Variants in RAB26 observed in about 807,000 individuals in gnomAD.
RAB26 encodes the protein ras-related protein Rab-26.
In RAB26, 39 loss-of-function variants were observed where a neutral mutation model predicts 33.1. That is an observed-to-expected ratio of 1.18 (90% confidence interval 0.91 to 1.54). The LOEUF is 1.54. Ranked by LOEUF, RAB26 falls within the 40% of genes most tolerant of loss-of-function variation. RAB26 has a pLI of 0.00. For missense variants in RAB26, 468 were observed against 362.9 expected, an observed-to-expected ratio of 1.29 and a Z score of -2.35; for synonymous variants, 192 against 151.9, an observed-to-expected ratio of 1.26 and a Z score of -1.94.
chr16:2,153,122 C>T (rs1171647214), intron 7 of RAB26, 24 bp from the exon 8 acceptor site: 1 of 1,613,646 alleles, frequency 6.2e-7, no homozygotes, highest in Non-Finnish European at 8.5e-7. Context: ...AGGCCACCAC[C>T]TGGCTGGCAG....
At chr16:2,152,701 A>AAAG (rs1328413633) in intron 5 of RAB26, 119 bp from the exon 6 acceptor site, 7 of 749,224 alleles carry the variant, frequency 9.3e-6, no homozygotes, top group Non-Finnish European at 1.0e-5. Flanking sequence ...CTCAAAAAAA[A>AAAG]AAAAAAAAAA....
At chr16:2,150,409 C>T (rs1362757852) in intron 2 of RAB26, among the ~76,000 whole-genome samples, 2 of 152,166 alleles carry the variant, frequency 1.3e-5, no homozygotes, top group Admixed American at 6.5e-5. Context: ...AGAGCCTGAG[C>T]GAGGGTTTCC....
At chr16:2,149,656 C>T (rs2092998169) in intron 1 of RAB26, among the ~76,000 whole-genome samples, 1 of 152,206 alleles carries the variant, frequency 6.6e-6, no homozygotes, top group South Asian at 2.1e-4. Flanking sequence ...TGCTCCCCTC[C>T]CAGATGCTGT....
chr16:2,152,986 C>T lies in RAB26; in HGVS notation c.535-3C>T, dbSNP rs375035630. ...TTTCACCAAGACCCTGTGCCTGGGC[C>T]AGGTGGACTCTGCCCATGAGCGTGT... is the stretch of plus-strand genomic sequence containing the variant. On this transcript the variant is annotated splice_polypyrimidine_tract_variant and splice_region_variant and intron_variant, in intron 6 of 8. Transcript: ENST00000210187. 4.0e-4 allele frequency: 630 copies of T among 1,585,416 alleles called. 3 individuals are homozygous for T. Among genetic ancestry groups the T allele is most frequent in the Non-Finnish European group, 1.3e-4 (149 of 1,162,188 alleles).
Position 2,148,858 on chromosome 16 carries a change from G to T in RAB26, c.75G>T (p.Gly25=). 1 of 1,406,914 alleles carries T rather than the reference G, an allele frequency of 7.1e-7. No homozygotes were observed. The highest frequency in any genetic ancestry group is 9.3e-7 in the Non-Finnish European group (1 of 1,078,402). The allele number at this position is 1,406,914 out of a possible 1,614,324, so 87.2% of individuals were successfully genotyped here. ...PAASTLPTAN[G]ARPARSGTAL... ...CCTCCACGCTGCCCACCGCCAACGG[G>T]GCCCGACCGGCGCGCTCCGGGACTG... Residue 25 remains glycine, a synonymous_variant, in exon 1 of 9, where the codon GGG becomes GGT. Coordinates refer to ENST00000210187, the MANE Select transcript of RAB26 (RefSeq NM_014353.5).
chr16:2,153,263 C>T (rs776797391), intron 8 of RAB26, 41 bp downstream of exon 8: 1 of 1,613,526 alleles, frequency 6.2e-7, no homozygotes, highest in Admixed American at 1.7e-5. Context: ...AGCCCAGGGC[C>T]TGAATCCTCA....
At chr16:2,151,257 G>A (rs1567239562) in intron 2 of RAB26, 2 of 560,622 alleles carry the variant, frequency 3.6e-6, no homozygotes, top group South Asian at 3.3e-5. Flanking sequence ...GAAGGCTGAG[G>A]CGTTGCAGCT....
At chr16:2,152,089 A>G (rs746809857) in intron 5 of RAB26, among the ~76,000 whole-genome samples, 181 bp downstream of exon 5, 18 of 151,294 alleles carry the variant, frequency 1.2e-4, no homozygotes, top group Non-Finnish European at 2.2e-4. Flanking sequence ...CTCCCTCAGC[A>G]GGAGGCTTTG....
chr16:2,150,244 T>C (rs2093000462), intron 2 of RAB26, among the ~76,000 whole-genome samples, 193 bp downstream of exon 2: 1 of 152,250 alleles, frequency 6.6e-6, no homozygotes, highest in South Asian at 2.1e-4. Flanking sequence ...GGGGCTGGCA[T>C]TACCGAGGGA....
At chr16:2,151,935 AG>A (rs759183412) in intron 5 of RAB26, 27 bp downstream of exon 5, 1 of 1,613,884 alleles carries the variant, frequency 6.2e-7, no homozygotes, top group Non-Finnish European at 8.5e-7. Context: ...GTGGGGTGAA[AG>A]GGCCCTGATA....
chr16:2,150,677 CCCGA>C, intron 2 of RAB26, among the ~76,000 whole-genome samples: 3 of 145,016 alleles, frequency 2.1e-5, no homozygotes, highest in Non-Finnish European at 4.6e-5. Flanking sequence ...GACTGAAGTG[CCCGA>C]GGGGGGCAGG....
intron 2 of RAB26, 134 bp from the exon 3 acceptor site, chr16:2,151,435 C>G (rs1567239622): frequency 1.1e-5 from 14 of 1,283,466 alleles, no homozygotes; most frequent in African/African-American, 1.5e-5. Flanking sequence ...GTCAAATTGG[C>G]TTAAGGGAAG....
Position 2,151,695 on chromosome 16 carries a change from A to ATG in RAB26, c.352_353dup (p.Trp118CysfsTer43). The ATG allele has an allele frequency of 6.2e-7, 1 of 1,613,984 alleles. No homozygotes were observed. Among genetic ancestry groups the ATG allele is most frequent in the Non-Finnish European group, 8.5e-7 (1 of 1,180,002 alleles). ...GCCTGACCAGTGCCTGTCGCTGCAG[A>ATG]TGTGGGACACAGCTGGTCAGGAGCG... On this transcript the variant is annotated frameshift_variant and splice_region_variant, in exon 4 of 9. Coordinates refer to ENST00000210187, the MANE Select transcript of RAB26 (RefSeq NM_014353.5). LOFTEE classifies it high-confidence loss of function.
At position 2,148,817 on chromosome 16, in the gene RAB26, GCCAGCAC is replaced by G; in HGVS notation, c.37_43del (p.Ser13ProfsTer83). 7.1e-7 allele frequency: 1 copy of G among 1,414,130 alleles called. No homozygotes were observed. The highest frequency in any genetic ancestry group is 1.5e-5 in the African/African-American group (1 of 66,746). The allele number at this position is 1,414,130 out of a possible 1,614,324, so 87.6% of individuals were successfully genotyped here. A position where few individuals can be genotyped will look rare whatever the true frequency, so the allele number is the denominator to read the frequency against. On this transcript the variant is annotated frameshift_variant, in exon 1 of 9. Transcript: ENST00000210187. LOFTEE classifies it high-confidence loss of function. ...GAAGAAGACCCCCAAGAGCAAAGGG[GCCAGCAC>G]CCCCGCTGCCTCCACGCTGCCCACC... is the stretch of plus-strand genomic sequence containing the variant.
At chr16:2,150,142 C>T (rs1219210389) in intron 2 of RAB26, 91 bp downstream of exon 2, 5 of 1,200,048 alleles carry the variant, frequency 4.2e-6, no homozygotes, top group Admixed American at 5.7e-5. Context: ...CCAACAGGCT[C>T]GAGGCCTGGA....
In RAB26 at chr16:2,153,958, C is replaced by A. The variant is rs1166374151; in HGVS notation, c.*537C>A. 1 of 378,468 alleles carries A rather than the reference C, an allele frequency of 2.6e-6. No homozygotes were observed. The highest frequency in any genetic ancestry group is 2.1e-5 in the African/African-American group (1 of 47,252). 23.4% of individuals were successfully genotyped at this position (378,468 alleles called of 1,614,324 possible). On this transcript the variant is annotated 3_prime_UTR_variant, in exon 9 of 9. Coordinates refer to ENST00000210187, the MANE Select transcript of RAB26 (RefSeq NM_014353.5). ...TCTTCCTCACTGACCTTGGAGGATG[C>A]CTGTGGCCTTGTGATAAAATGTGGG... is the stretch of plus-strand genomic sequence containing the variant.
In RAB26 at chr16:2,148,691, G is replaced by C; in HGVS notation, c.-93G>C. 9.0e-7 allele frequency: 1 copy of C among 1,116,966 alleles called. No individual in the cohort carries two copies. Among genetic ancestry groups the C allele is most frequent in the Non-Finnish European group, 1.1e-6 (1 of 895,538 alleles). The allele number at this position is 1,116,966 out of a possible 1,614,324, so 69.2% of individuals were successfully genotyped here. On this transcript the variant is annotated 5_prime_UTR_variant, in exon 1 of 9. Transcript: ENST00000210187. ...CCGCCGCCGCCGCCGCCAGGGGAAG[G>C]GTTCGGGTCCGGGTCGGGCTCGGCG...
At chr16:2,150,143 G>A (rs571559055) in intron 2 of RAB26, 92 bp downstream of exon 2, 16 of 1,198,346 alleles carry the variant, frequency 1.3e-5, no homozygotes, top group Admixed American at 5.7e-5. Context: ...CAACAGGCTC[G>A]AGGCCTGGAC....
chr16:2,150,271 G>C (rs192687587), intron 2 of RAB26, among the ~76,000 whole-genome samples: 1 of 152,212 alleles, frequency 6.6e-6, no homozygotes, highest in South Asian at 2.1e-4. Context: ...CCTGTGCCTT[G>C]GGGGAGGCGG....
Sources: gnomAD v4.1 joint callset for allele counts (sites outside exome capture counted in the v4.1 genomes callset) on GRCh38, gnomAD v4.1.1 for gene constraint, MANE v1.5 for transcripts, NCBI Gene and HGNC (gene_info 2026-07-23, HGNC 2026-07-21) for gene names.